Variants in DGAT1 observed in about 807,000 individuals in gnomAD.
DGAT1 encodes diacylglycerol O-acyltransferase 1.
A neutral mutation model predicts 72.6 loss-of-function variants in DGAT1; 60 were observed. The observed-to-expected ratio is 0.83, with a 90% CI of 0.67 to 1.02. The LOEUF is 1.02. Ranked by LOEUF, DGAT1 falls within the 50% of genes least tolerant of loss-of-function variation. The pLI, the probability that DGAT1 is intolerant of heterozygous loss-of-function variation, is 0.00. For synonymous variants in DGAT1, 290 were observed against 267.5 expected, an observed-to-expected ratio of 1.08 and a Z score of -0.82; for missense variants, 592 against 670.0, an observed-to-expected ratio of 0.88 and a Z score of 1.29.
intron 2 of DGAT1, among the ~76,000 whole-genome samples, chr8:144,319,374 A>G (rs1435638629): frequency 6.6e-6 from 1 of 152,180 alleles, no homozygotes; most frequent in Non-Finnish European, 1.5e-5. Flanking sequence ...AGGAGCAGAA[A>G]GACCAGCTGC....
intron 1 of DGAT1, among the ~76,000 whole-genome samples, chr8:144,323,134 G>C (rs901318870): frequency 3.9e-5 from 6 of 152,134 alleles, no homozygotes; most frequent in African/African-American, 7.2e-5. Flanking sequence ...TGGCCTTCTT[G>C]TACCACGACC....
At chr8:144,323,184 C>T (rs1554848361) in intron 1 of DGAT1, among the ~76,000 whole-genome samples, 1 of 152,206 alleles carries the variant, frequency 6.6e-6, no homozygotes, top group East Asian at 1.9e-4. Flanking sequence ...GACCCCTGCC[C>T]CCTTTGAGCC....
rs1208948136 is a variant in DGAT1, at chr8:144,315,405, T to C, written c.*1149A>G. On this transcript the variant is annotated 3_prime_UTR_variant, in exon 17 of 17. Coordinates refer to ENST00000528718, the MANE Select transcript of DGAT1 (RefSeq NM_012079.6). ...TCACACCACCAGTTCAGCAGGTTGC[T>C]GATGAGGCCCCTGGTGCAGTCCTGG... 2.0e-6 allele frequency: 2 copies of C among 985,402 alleles called. No individual in the cohort carries two copies. The highest frequency in any genetic ancestry group is 3.5e-5 in the African/African-American group (2 of 57,242). 61.0% of individuals were successfully genotyped at this position (985,402 alleles called of 1,614,324 possible). A position where few individuals can be genotyped will look rare whatever the true frequency, so the allele number is the denominator to read the frequency against.
At position 144,314,849 on chromosome 8, in the gene DGAT1, C is replaced by A. The variant is rs1392644485; in HGVS notation, c.*1705G>T. The stretch of plus-strand genomic sequence containing the variant: ...GGGGAAGACGGATGCTTGCAGCTAG[C>A]TCCGTGCCTGCCCGACTCCCCAGGA... On this transcript the variant is annotated 3_prime_UTR_variant, in exon 17 of 17. Transcript: ENST00000528718. 1.0e-6 allele frequency: 1 copy of A among 955,004 alleles called. No homozygotes were observed. The highest frequency in any genetic ancestry group is 1.2e-6 in the Non-Finnish European group (1 of 800,718). 59.2% of individuals were successfully genotyped at this position (955,004 alleles called of 1,614,324 possible).
At chr8:144,318,990 T>TGGGTGGGGCAG (rs1564632052) in intron 3 of DGAT1, 38 bp downstream of exon 3, 2 of 828,558 alleles carry the variant, frequency 2.4e-6, no homozygotes, top group Non-Finnish European at 3.3e-6. Flanking sequence ...GGACAGGCCA[T>TGGGTGGGGCAG]GGGTGGGGCA....
chr8:144,316,698 G>A lies in DGAT1; in HGVS notation c.1323C>T (p.Ala441=), dbSNP rs781986999. 1 of 1,612,164 alleles carries A rather than the reference G, an allele frequency of 6.2e-7. No individual in the cohort carries two copies. The highest frequency in any genetic ancestry group is 1.1e-5 in the South Asian group (1 of 90,864). The stretch of plus-strand genomic sequence containing the variant: ...CCTGGAAAAAGCGGCCCACGAACCA[G>A]GCCAGTGGGATCTAGGGAGTGAGGG... ...FTGMMAQIPL[A]WFVGRFFQGN... The change falls in exon 17 of 17, where the codon GCC becomes GCT. Residue 441 remains alanine, a synonymous_variant. Transcript: ENST00000528718.
At position 144,315,001 on chromosome 8, in the gene DGAT1, G is replaced by A. The variant is rs1259126027; in HGVS notation, c.*1553C>T. The A allele has an allele frequency of 1.0e-5, 10 of 985,704 alleles. No homozygotes were observed. The highest frequency in any genetic ancestry group is 9.6e-6 in the Non-Finnish European group (8 of 830,254). 61.1% of individuals were successfully genotyped at this position (985,704 alleles called of 1,614,324 possible). On this transcript the variant is annotated 3_prime_UTR_variant, in exon 17 of 17. Transcript: ENST00000528718. ...CCAAGGTGTTCGCACTCGGACAGGT[G>A]ATGCGGGGCGGGCACACTGTCTTTC...
At position 144,326,684 on chromosome 8, in the gene DGAT1, C is replaced by A. The variant is rs1485072394; in HGVS notation, c.-48G>T. 1 of 1,146,800 alleles carries A rather than the reference C, an allele frequency of 8.7e-7. No homozygotes were observed. Among genetic ancestry groups the A allele is most frequent in the Non-Finnish European group, 1.1e-6 (1 of 933,298 alleles). 71.0% of individuals were successfully genotyped at this position (1,146,800 alleles called of 1,614,324 possible). A position where few individuals can be genotyped will look rare whatever the true frequency, so the allele number is the denominator to read the frequency against. ...CAGCCAAGCGTGGGCCCGCCGGGTT[C>A]GTAGCGCCCGAGGCGCGCGGCCCCA... On this transcript the variant is annotated 5_prime_UTR_variant, in exon 1 of 17. Coordinates refer to ENST00000528718, the MANE Select transcript of DGAT1 (RefSeq NM_012079.6).
Position 144,316,685 on chromosome 8 carries a change from G to T in DGAT1, c.1336C>A (p.Arg446Ser), listed in dbSNP as rs782199338. The stretch of plus-strand genomic sequence containing the variant: ...TTGCCATAGTTGCCCTGGAAAAAGC[G>T]GCCCACGAACCAGGCCAGTGGGATC... ...AQIPLAWFVG[R>S]FFQGNYGNAA... Residue 446 changes from arginine to serine, a missense_variant, in exon 17 of 17, where the codon CGC becomes AGC. Transcript: ENST00000528718. The T allele has an allele frequency of 6.2e-7, 1 of 1,612,206 alleles. No homozygotes were observed. The highest frequency in any genetic ancestry group is 8.5e-7 in the Non-Finnish European group (1 of 1,179,650).
intron 7 of DGAT1, 40 bp downstream of exon 7, chr8:144,318,221 G>GC (rs781887405): frequency 5.0e-6 from 8 of 1,609,340 alleles, no homozygotes; most frequent in African/African-American, 1.3e-5. Context: ...CTGCTGCCCA[G>GC]CCCCCCAGCA....
intron 2 of DGAT1, among the ~76,000 whole-genome samples, chr8:144,320,270 G>A (rs973146890): frequency 2.0e-5 from 3 of 152,224 alleles, no homozygotes; most frequent in Non-Finnish European, 2.9e-5. Flanking sequence ...GGGTTGGGGA[G>A]AATACACAGT....
intron 16 of DGAT1, 45 bp from the exon 17 acceptor site, chr8:144,316,754 G>A (rs1554847095): frequency 1.9e-6 from 3 of 1,603,774 alleles, no homozygotes; most frequent in Admixed American, 1.7e-5. Context: ...TGACCACAGG[G>A]CTGGGGGCTT....
chr8:144,321,519 C>T (rs1817458671), intron 1 of DGAT1, 111 bp from the exon 2 acceptor site: 1 of 957,610 alleles, frequency 1.0e-6, no homozygotes, highest in African/African-American at 1.6e-5. Flanking sequence ...AGGCCCCACT[C>T]CTTATTTACA....
Position 144,315,870 on chromosome 8 carries a change from A to G in DGAT1, c.*684T>C. 2.0e-6 allele frequency: 2 copies of G among 985,640 alleles called. No individual in the cohort carries two copies. Among genetic ancestry groups the G allele is most frequent in the African/African-American group, 3.5e-5 (2 of 57,378 alleles). The allele number at this position is 985,640 out of a possible 1,614,324, so 61.1% of individuals were successfully genotyped here. A position where few individuals can be genotyped will look rare whatever the true frequency, so the allele number is the denominator to read the frequency against. ...CATGGACATAGCCATTGTGTACCGT[A>G]GCCCCTCGGCTCACCAGACCCACAC... On this transcript the variant is annotated 3_prime_UTR_variant, in exon 17 of 17. Transcript: ENST00000528718.
intron 12 of DGAT1, 42 bp from the exon 13 acceptor site, chr8:144,317,487 C>T: frequency 2.5e-6 from 4 of 1,613,640 alleles, no homozygotes; most frequent in Non-Finnish European, 3.4e-6. Context: ...CTAGAACCTT[C>T]CCCCACATGC....
chr8:144,321,738 G>A (rs1554848188), intron 1 of DGAT1, among the ~76,000 whole-genome samples: 6 of 152,230 alleles, frequency 3.9e-5, no homozygotes, highest in African/African-American at 1.4e-4. Flanking sequence ...CCACTGCCAT[G>A]TACTCTGGCT....
rs1394608735 is a variant in DGAT1, at chr8:144,317,176, A to AC, written c.1160+10dup. The AC allele has an allele frequency of 6.2e-7, 1 of 1,606,184 alleles. No individual in the cohort carries two copies. The highest frequency in any genetic ancestry group is 8.5e-7 in the Non-Finnish European group (1 of 1,174,292). On this transcript the variant is annotated intron_variant, in intron 14 of 16. Coordinates refer to ENST00000528718, the MANE Select transcript of DGAT1 (RefSeq NM_012079.6). ...CATGTTCCACATCACACACACACAC[A>AC]CCCCACCTACCTGATGCACCACTTG...
chr8:144,316,819 G>A, intron 16 of DGAT1, 34 bp downstream of exon 16: 1 of 1,601,802 alleles, frequency 6.2e-7, no homozygotes, highest in South Asian at 1.1e-5. Context: ...CGGGGTAACT[G>A]GGCGAGTGAG....
intron 1 of DGAT1, among the ~76,000 whole-genome samples, chr8:144,322,218 A>G (rs1385566701): frequency 6.6e-6 from 1 of 152,196 alleles, no homozygotes; most frequent in Non-Finnish European, 1.5e-5. Context: ...GGACTGCCAT[A>G]TAGCTAGGAC....
Sources: allele counts gnomAD v4.1 joint callset (sites outside exome capture counted in the v4.1 genomes callset), GRCh38; gene constraint gnomAD v4.1.1; transcripts MANE v1.5; gene names NCBI Gene and HGNC (gene_info 2026-07-23, HGNC 2026-07-21).